YAP1: variants seen among roughly 807,000 people sequenced by gnomAD.
YAP1 encodes the protein Yes1 associated transcriptional regulator.
A neutral mutation model predicts 56.9 loss-of-function variants in YAP1; 5 were observed. The observed-to-expected ratio is 0.09, with a 90% confidence interval of 0.05 to 0.18. The LOEUF is 0.18. Ranked by LOEUF, YAP1 falls within the 10% of genes least tolerant of loss-of-function variation. YAP1 has a pLI of 1.00. For missense variants in YAP1, 539 were observed against 651.8 expected, an observed-to-expected ratio of 0.83 and a Z score of 1.88; for synonymous variants, 265 against 248.1, an observed-to-expected ratio of 1.07 and a Z score of -0.64.
At chr11:102,218,176 T>G (rs1476694922) in intron 6 of YAP1, among the ~76,000 whole-genome samples, 2 of 152,252 alleles carry the variant, frequency 1.3e-5, no homozygotes, top group Non-Finnish European at 2.9e-5. Context: ...CAGCTGAGTA[T>G]TTATACCTTT....
At chr11:102,138,158 T>G (rs1591191778) in intron 2 of YAP1, among the ~76,000 whole-genome samples, 1 of 152,266 alleles carries the variant, frequency 6.6e-6, no homozygotes, top group Admixed American at 6.5e-5. Flanking sequence ...GTGCTGGAAT[T>G]ATAGGCATGA....
intron 3 of YAP1, among the ~76,000 whole-genome samples, chr11:102,178,859 C>T (rs1196418042): frequency 2.0e-5 from 3 of 152,168 alleles, no homozygotes; most frequent in Admixed American, 6.5e-5. Flanking sequence ...CCAGCGTCTG[C>T]TTCTGGTGAG....
At chr11:102,145,113 G>A (rs1270514036) in intron 2 of YAP1, among the ~76,000 whole-genome samples, 1 of 152,166 alleles carries the variant, frequency 6.6e-6, no homozygotes, top group African/African-American at 2.4e-5. Context: ...AGGAGTATTA[G>A]CAAGAGTTGT....
chr11:102,136,244 A>G (rs1455549588), intron 2 of YAP1, among the ~76,000 whole-genome samples: 1 of 152,114 alleles, frequency 6.6e-6, no homozygotes, highest in Non-Finnish European at 1.5e-5. Context: ...GCACTTGCTC[A>G]AATGTTTTGC....
chr11:102,127,016 G>T (rs1218219982), intron 2 of YAP1, among the ~76,000 whole-genome samples: 5 of 152,198 alleles, frequency 3.3e-5, no homozygotes, highest in African/African-American at 1.2e-4. Context: ...TCTGGCCAAA[G>T]AAATTTCTAA....
chr11:102,186,908 A>G (rs1201070964), intron 4 of YAP1, among the ~76,000 whole-genome samples: 1 of 150,550 alleles, frequency 6.6e-6, no homozygotes, highest in Non-Finnish European at 1.5e-5. Context: ...GCCATGGAAT[A>G]TGCATCTAAA....
At chr11:102,152,242 C>G (rs1945698032) in intron 2 of YAP1, among the ~76,000 whole-genome samples, 1 of 152,212 alleles carries the variant, frequency 6.6e-6, no homozygotes, top group African/African-American at 2.4e-5. Context: ...CCATTTCTCA[C>G]CGCTAATGAA....
At chr11:102,162,263 A>G (rs958696568) in intron 2 of YAP1, among the ~76,000 whole-genome samples, 193 bp from the exon 3 acceptor site, 1 of 152,218 alleles carries the variant, frequency 6.6e-6, no homozygotes, top group African/African-American at 2.4e-5. Flanking sequence ...TGTAAGATCT[A>G]AGAGTTGAAA....
intron 2 of YAP1, 65 bp from the exon 3 acceptor site, chr11:102,162,391 C>A: frequency 1.4e-6 from 2 of 1,411,948 alleles, no homozygotes; most frequent in Non-Finnish European, 2.0e-6. Context: ...TATGAGCCCA[C>A]AAGATAAGAA....
At position 102,231,299 on chromosome 11, in the gene YAP1, C is replaced by T. The variant is rs563778254; in HGVS notation, c.*1359C>T. On this transcript the variant is annotated 3_prime_UTR_variant, in exon 9 of 9. Coordinates refer to ENST00000282441, the MANE Select transcript of YAP1 (RefSeq NM_001130145.3). Reference sequence around the variant, plus strand: ...ATTTAGCTTTGGAAGTTTTCTTTGCCTTAGTTTTGGAAGTAAATTCTAGTT... The same window carrying T: ...ATTTAGCTTTGGAAGTTTTCTTTGCTTTAGTTTTGGAAGTAAATTCTAGTT... 4.6e-5 allele frequency: 7 copies of T among 152,166 alleles called. No homozygotes were observed. In the East Asian group the frequency reaches 1.3e-3, roughly 29 times the overall value. The allele number at this position is 152,166 out of a possible 1,614,324, so 9.4% of individuals were successfully genotyped here.
intron 3 of YAP1, among the ~76,000 whole-genome samples, chr11:102,167,329 A>T (rs1946666428): frequency 6.6e-6 from 1 of 152,400 alleles, no homozygotes; most frequent in Non-Finnish European, 1.5e-5. Context: ...GAAATGGAAT[A>T]ATGTATTAAG....
intron 6 of YAP1, among the ~76,000 whole-genome samples, chr11:102,216,352 CTT>C (rs1270240069): frequency 3.3e-5 from 5 of 151,954 alleles, no homozygotes; most frequent in Non-Finnish European, 5.9e-5. Context: ...AAAAAAAAAT[CTT>C]AATATGGGTA....
At chr11:102,115,720 G>A (rs1943241343) in intron 2 of YAP1, among the ~76,000 whole-genome samples, 1 of 152,150 alleles carries the variant, frequency 6.6e-6, no homozygotes, top group Non-Finnish European at 1.5e-5. Flanking sequence ...AAACTCATCT[G>A]CATGAGCAAG....
Position 102,167,769 on chromosome 11 carries a change from C to T in YAP1, c.688+5198C>T, listed in dbSNP as rs143695845. ...CATAATTTATAAGGCTGGGTGTGGT[C>T]GTTCATGCCTATAATCCGAGCACTT... On this transcript the variant is annotated intron_variant, in intron 3 of 8. Transcript: ENST00000282441. 3.1e-4 allele frequency among the ~76,000 whole-genome samples: 47 copies of T among 152,090 alleles called. No homozygotes were observed. The East Asian group carries it at 5.1e-3, about 16-fold the overall frequency.
chr11:102,167,461 G>A (rs1188641231), intron 3 of YAP1, among the ~76,000 whole-genome samples: 1 of 152,198 alleles, frequency 6.6e-6, no homozygotes, highest in Non-Finnish European at 1.5e-5. Flanking sequence ...ATAGCTGGGT[G>A]CAGTGGCTCA....
Position 102,157,127 on chromosome 11 carries a change from T to G in YAP1, c.573-5329T>G, listed in dbSNP as rs544228615. 2.0e-5 allele frequency among the ~76,000 whole-genome samples: 3 copies of G among 152,342 alleles called. No homozygotes were observed. The South Asian group carries it at 6.2e-4, about 32-fold the overall frequency. ...CAGTGATAGCTTAATTATTTAAATT[T>G]CAATTTAAGATTCTGATATCCTGTA... is the stretch of plus-strand genomic sequence containing the variant. On this transcript the variant is annotated intron_variant, in intron 2 of 8. Coordinates refer to ENST00000282441, the MANE Select transcript of YAP1 (RefSeq NM_001130145.3).
At chr11:102,163,083 C>T (rs1465800186) in intron 3 of YAP1, among the ~76,000 whole-genome samples, 1 of 151,024 alleles carries the variant, frequency 6.6e-6, no homozygotes, top group Non-Finnish European at 1.5e-5. Flanking sequence ...CTTTTGTAAA[C>T]CCAAAAGAAT....
chr11:102,168,079 A>G (rs188084979), intron 3 of YAP1, among the ~76,000 whole-genome samples: 43 of 152,282 alleles, frequency 2.8e-4, no homozygotes, highest in Non-Finnish European at 4.7e-4. Context: ...GTTATTATAT[A>G]TAATAGCCTT....
intron 2 of YAP1, among the ~76,000 whole-genome samples, chr11:102,147,387 G>A (rs1190396617): frequency 6.6e-6 from 1 of 152,130 alleles, no homozygotes; most frequent in Non-Finnish European, 1.5e-5. Context: ...ATTTCTACAT[G>A]TACATGCGGG....
Sources: gnomAD v4.1 joint callset for allele counts (sites outside exome capture counted in the v4.1 genomes callset) on GRCh38, gnomAD v4.1.1 for gene constraint, MANE v1.5 for transcripts, NCBI Gene and HGNC (gene_info 2026-07-23, HGNC 2026-07-21) for gene names.